NWD2: variants seen among roughly 807,000 people sequenced by gnomAD.
NWD2 encodes NACHT and WD repeat domain-containing protein 2.
A neutral mutation model predicts 132.7 loss-of-function variants in NWD2; 37 were observed. The observed-to-expected ratio is 0.28, with a 90% CI of 0.21 to 0.37. The LOEUF (loss-of-function observed/expected upper bound fraction) is 0.37, where lower values mean the gene tolerates loss of function less well. NWD2 is among the 10% of genes least tolerant of loss of function. The pLI is 1.00. For synonymous variants in NWD2, 705 were observed against 803.0 expected (o/e 0.88, Z 2.06); for missense variants, 1,592 against 2,122.4 (o/e 0.75, Z 4.91).
At chr4:37,345,805 G>GGTGCA (rs1216367410) in intron 2 of NWD2, among the ~76,000 whole-genome samples, 1 of 152,096 alleles carries the variant, frequency 6.6e-6, no homozygotes, top group Non-Finnish European at 1.5e-5. Context: ...CTCCTGGCCT[G>GGTGCA]GTGCAGTGGC....
At position 37,321,072 on chromosome 4, in the gene NWD2, G is replaced by C. The variant is rs80189632; in HGVS notation, c.152-4864G>C. 4.9e-3 allele frequency among the ~76,000 whole-genome samples: 747 copies of C among 152,138 alleles called. 5 individuals carry two copies. The highest frequency in any genetic ancestry group is 0.017 in the African/African-American group (718 of 41,504). On this transcript the variant is annotated intron_variant, in intron 1 of 6. Coordinates refer to ENST00000309447, the MANE Select transcript of NWD2 (RefSeq NM_001144990.2). ...CTAGGGAGGCTGAGGCATGAAAATTGCTTGAACCTGGGAGGTAGAGGTTGC... is the reference window on the plus strand; with the variant it reads ...CTAGGGAGGCTGAGGCATGAAAATTCCTTGAACCTGGGAGGTAGAGGTTGC...
chr4:37,335,644 G>A (rs1719392820), intron 2 of NWD2, among the ~76,000 whole-genome samples: 1 of 151,774 alleles, frequency 6.6e-6, no homozygotes, highest in South Asian at 2.1e-4. Flanking sequence ...GATCAGCGGT[G>A]GCATTAGATT....
At chr4:37,332,455 T>TGAA (rs1174589512) in intron 2 of NWD2, among the ~76,000 whole-genome samples, 1 of 109,186 alleles carries the variant, frequency 9.2e-6, no homozygotes, top group African/African-American at 3.2e-5. Flanking sequence ...CCTGCTGCCT[T>TGAA]GAAAAAAAAA....
chr4:37,362,774 T>C (rs1027797366), intron 3 of NWD2, among the ~76,000 whole-genome samples: 3 of 152,076 alleles, frequency 2.0e-5, no homozygotes, highest in African/African-American at 7.2e-5. Flanking sequence ...TAGTAAGTCC[T>C]CAAAAACAAC....
At chr4:37,387,709 C>A (rs1402386089) in intron 3 of NWD2, among the ~76,000 whole-genome samples, 1 of 130,186 alleles carries the variant, frequency 7.7e-6, no homozygotes, top group Non-Finnish European at 1.6e-5. Flanking sequence ...GAGTCTCGCT[C>A]TGTCACCCAG....
chr4:37,265,578 T>G (rs903049632), intron 1 of NWD2, among the ~76,000 whole-genome samples: 2 of 152,028 alleles, frequency 1.3e-5, no homozygotes, highest in Non-Finnish European at 2.9e-5. Flanking sequence ...TAGGTGCATT[T>G]CTTGGCTAAT....
At chr4:37,350,832 G>A (rs1424577178) in intron 2 of NWD2, among the ~76,000 whole-genome samples, 1 of 152,128 alleles carries the variant, frequency 6.6e-6, no homozygotes, top group Non-Finnish European at 1.5e-5. Flanking sequence ...GTCATAAATA[G>A]CTCTCATTAT....
At chr4:37,373,496 C>T (rs1720275516) in intron 3 of NWD2, among the ~76,000 whole-genome samples, 1 of 152,178 alleles carries the variant, frequency 6.6e-6, no homozygotes, top group Admixed American at 6.5e-5. Context: ...GGTTTGGTAG[C>T]TTATTGTAAC....
chr4:37,323,990 G>T (rs1438622239), intron 1 of NWD2, among the ~76,000 whole-genome samples: 1 of 152,062 alleles, frequency 6.6e-6, no homozygotes, highest in African/African-American at 2.4e-5. Context: ...GCTAAACATT[G>T]AGCACACATG....
At chr4:37,252,505 G>C (rs1402161557) in intron 1 of NWD2, among the ~76,000 whole-genome samples, 1 of 152,196 alleles carries the variant, frequency 6.6e-6, no homozygotes, top group Non-Finnish European at 1.5e-5. Context: ...TCCCAAACCT[G>C]AGTGGCTTAA....
chr4:37,292,479 C>T (rs781626801), intron 1 of NWD2, among the ~76,000 whole-genome samples: 6 of 152,122 alleles, frequency 3.9e-5, no homozygotes, highest in African/African-American at 9.7e-5. Flanking sequence ...TGGACTTCCC[C>T]GTTTCCAGAA....
rs751000613 is a variant in NWD2 at position 37,444,054 on chromosome 4, G to A, written c.2066G>A (p.Ser689Asn). 6.4e-7 allele frequency: 1 copy of A among 1,551,894 alleles called. No individual in the cohort carries two copies. The highest frequency in any genetic ancestry group is 1.2e-5 in the South Asian group (1 of 84,054). The change falls in exon 7 of 7, where the codon AGT becomes AAT. Residue 689 changes from serine (S) to asparagine (N), a missense_variant. Physicochemically the swap from Ser to Asn is conservative, Grantham distance 46. Transcript: ENST00000309447. The surrounding 1 kb of genome is among the most constrained non-coding windows in gnomAD (Gnocchi z 4.8). ...DVLALDNSVM[S>N]ELKENTRPSN... Reference sequence around the variant, plus strand: ...TTAGCCCTAGACAACAGTGTAATGAGTGAGCTCAAAGAAAACACCAGACCC... The same window carrying A: ...TTAGCCCTAGACAACAGTGTAATGAATGAGCTCAAAGAAAACACCAGACCC...
At chr4:37,437,194 C>A (rs1712344364) in intron 5 of NWD2, among the ~76,000 whole-genome samples, 1 of 151,956 alleles carries the variant, frequency 6.6e-6, no homozygotes, top group Admixed American at 6.6e-5. Context: ...ATGGCCAGAC[C>A]AGCCCTGTGT....
rs1294991395 is a variant in NWD2 at position 37,396,063 on chromosome 4, T to C, written c.358-34509T>C. Among the ~76,000 whole-genome samples, 6 of 152,324 alleles carry C rather than the reference T, an allele frequency of 3.9e-5. 1 individual carries two copies. The highest frequency in any genetic ancestry group is 1.2e-4 in the African/African-American group (5 of 41,580). The stretch of plus-strand genomic sequence containing the variant: ...TGTTCCTTCTCCTATGTGTCCTCAA[T>C]TGAGCTCAGCCCCTTCAGTATGCTG... On this transcript the variant is annotated intron_variant, in intron 3 of 6. Coordinates refer to ENST00000309447, the MANE Select transcript of NWD2 (RefSeq NM_001144990.2).
At chr4:37,394,797 T>TG (rs1202628882) in intron 3 of NWD2, among the ~76,000 whole-genome samples, 18 of 117,642 alleles carry the variant, frequency 1.5e-4, no homozygotes, top group African/African-American at 4.5e-4. Flanking sequence ...TGAACCTTTA[T>TG]GGTTTTTTTT....
chr4:37,354,951 G>A (rs1001057135), intron 2 of NWD2, among the ~76,000 whole-genome samples: 7 of 151,804 alleles, frequency 4.6e-5, no homozygotes, highest in Non-Finnish European at 8.8e-5. Context: ...CTATTTTATA[G>A]CCCTATTTAT....
intron 3 of NWD2, among the ~76,000 whole-genome samples, chr4:37,397,847 TTC>T (rs1560412492): frequency 6.6e-6 from 1 of 152,084 alleles, no homozygotes; most frequent in East Asian, 1.9e-4. Context: ...CTTTCTGTTA[TTC>T]TCTCTGTCCA....
chr4:37,318,724 T>C (rs184102747), intron 1 of NWD2, among the ~76,000 whole-genome samples: 2 of 132,414 alleles, frequency 1.5e-5, no homozygotes, highest in Non-Finnish European at 1.5e-5. Flanking sequence ...ATAATAATAT[T>C]ATAATATTTT....
intron 2 of NWD2, among the ~76,000 whole-genome samples, chr4:37,337,102 G>C (rs1719425808): frequency 6.6e-6 from 1 of 152,086 alleles, no homozygotes; most frequent in African/African-American, 2.4e-5. Flanking sequence ...GTAGAACCAG[G>C]ACTAAGTGAC....
Sources: gnomAD v4.1 joint callset for allele counts (sites outside exome capture counted in the v4.1 genomes callset) on GRCh38, gnomAD v4.1.1 for gene constraint, Gnocchi (gnomAD v3.1) non-coding constraint, MANE v1.5 for transcripts, NCBI Gene and HGNC (gene_info 2026-07-23, HGNC 2026-07-21) for gene names.